The following POU6F2 variants were observed in gnomAD, a reference collection of about 807,000 sequenced individuals.
POU6F2 encodes the protein POU domain, class 6, transcription factor 2.
Under a neutral mutation model 71.3 loss-of-function variants are expected in POU6F2, and 31 were observed. That is an observed-to-expected ratio of 0.43 (90% CI 0.33 to 0.59). POU6F2 has a LOEUF of 0.59. POU6F2 is among the 20% of genes least tolerant of loss of function. POU6F2 has a pLI of 0.04. For synonymous variants in POU6F2, 347 were observed against 355.7 expected, an observed-to-expected ratio of 0.98 and a Z score of 0.27; for missense variants, 783 against 856.8, an observed-to-expected ratio of 0.91 and a Z score of 1.07.
At chr7:39,342,697 G>A (rs2115632182) in intron 5 of POU6F2, among the ~76,000 whole-genome samples, 1 of 152,194 alleles carries the variant, frequency 6.6e-6, no homozygotes, top group Non-Finnish European at 1.5e-5. Flanking sequence ...TAGGTTGTGT[G>A]TTATATTTGG....
rs189381442 is a variant in POU6F2, at chr7:39,321,841, G to C, written c.599-17801G>C. The stretch of plus-strand genomic sequence containing the variant: ...GGGAGAGGGAGAAAGAGAAGTAGGG[G>C]AGGAGGGAGCTATACTTTAAGAATA... On this transcript the variant is annotated intron_variant, in intron 4 of 9. Transcript: ENST00000518318. Among the ~76,000 whole-genome samples the C allele has an allele frequency of 1.1e-4, 17 of 152,022 alleles. No individual in the cohort carries two copies. The South Asian group carries it at 3.5e-3, about 32-fold the overall frequency.
At chr7:39,281,713 C>T (rs1784565617) in intron 4 of POU6F2, among the ~76,000 whole-genome samples, 1 of 152,194 alleles carries the variant, frequency 6.6e-6, no homozygotes, top group Non-Finnish European at 1.5e-5. Context: ...TTGATGGACA[C>T]TTAGGTTGAT....
chr7:39,064,850 A>G (rs62442186), intron 1 of POU6F2, among the ~76,000 whole-genome samples: 16,300 of 151,888 alleles, frequency 0.11, 948 homozygotes, highest in Middle Eastern at 0.16. Context: ...TTCCATTTCT[A>G]TTGATGGGAA....
At chr7:39,419,017 A>ATATATGTGTATATATGTG (rs1787765507) in intron 6 of POU6F2, among the ~76,000 whole-genome samples, 1 of 131,084 alleles carries the variant, frequency 7.6e-6, no homozygotes, top group South Asian at 2.3e-4. Flanking sequence ...GTATATATGT[A>ATATATGTGTATATATGTG]TATATATGTG....
intron 1 of POU6F2, among the ~76,000 whole-genome samples, chr7:39,032,896 A>G (rs1040435206): frequency 6.6e-6 from 1 of 152,158 alleles, no homozygotes; most frequent in Non-Finnish European, 1.5e-5. Flanking sequence ...TTCTGTCTAA[A>G]TTCTTTAGCG....
chr7:39,343,702 T>C (rs535695878), intron 5 of POU6F2, among the ~76,000 whole-genome samples: 35 of 152,312 alleles, frequency 2.3e-4, no homozygotes, highest in Admixed American at 2.1e-3. Context: ...CTTCTAGTTC[T>C]GACCCTGCCT....
intron 1 of POU6F2, among the ~76,000 whole-genome samples, chr7:39,045,358 T>G (rs1790270780): frequency 6.6e-6 from 1 of 151,826 alleles, no homozygotes; most frequent in Non-Finnish European, 1.5e-5. Context: ...TCCAGAGGTG[T>G]GAGGGGAGGG....
chr7:39,028,718 T>C (rs1486048800), intron 1 of POU6F2, among the ~76,000 whole-genome samples: 1 of 152,204 alleles, frequency 6.6e-6, no homozygotes, highest in Admixed American at 6.5e-5. Flanking sequence ...CTTTCCAAAA[T>C]AGTTTATACA....
intron 1 of POU6F2, among the ~76,000 whole-genome samples, chr7:38,993,488 G>A (rs1300011506): frequency 7.2e-6 from 1 of 139,516 alleles, no homozygotes; most frequent in East Asian, 1.9e-4. Flanking sequence ...GTCTGAGACT[G>A]AAATCGGGAT....
intron 4 of POU6F2, among the ~76,000 whole-genome samples, chr7:39,336,079 T>C (rs534904759): frequency 6.6e-6 from 1 of 152,382 alleles, no homozygotes; most frequent in East Asian, 1.9e-4. Context: ...TGGTCCCCAG[T>C]GTGTGAATAT....
At chr7:39,312,468 A>G (rs755593758) in intron 4 of POU6F2, among the ~76,000 whole-genome samples, 8 of 152,190 alleles carry the variant, frequency 5.3e-5, no homozygotes, top group South Asian at 4.1e-4. Context: ...AGTATTTTGC[A>G]CAAAGCCAAG....
At chr7:39,434,227 A>G (rs1788177792) in intron 7 of POU6F2, among the ~76,000 whole-genome samples, 3 of 152,166 alleles carry the variant, frequency 2.0e-5, no homozygotes, top group Non-Finnish European at 4.4e-5. Flanking sequence ...AGGCAGGGAA[A>G]TGGGAAAGAG....
At chr7:39,384,948 A>G (rs1243504165) in intron 5 of POU6F2, among the ~76,000 whole-genome samples, 1 of 152,316 alleles carries the variant, frequency 6.6e-6, no homozygotes, top group East Asian at 1.9e-4. Flanking sequence ...TGATCAAATA[A>G]TAATATCCAA....
chr7:39,117,783 C>T (rs1185205168), intron 2 of POU6F2, among the ~76,000 whole-genome samples: 2 of 152,152 alleles, frequency 1.3e-5, no homozygotes, highest in Non-Finnish European at 2.9e-5. Context: ...ATGAAGATCT[C>T]TCCTGCTTCT....
chr7:38,995,906 T>A (rs1262890985), intron 1 of POU6F2, among the ~76,000 whole-genome samples: 2 of 152,206 alleles, frequency 1.3e-5, no homozygotes, highest in African/African-American at 4.8e-5. Flanking sequence ...CTTGTATCTA[T>A]CCTCACATTC....
intron 6 of POU6F2, among the ~76,000 whole-genome samples, chr7:39,423,357 G>A (rs1787897407): frequency 6.6e-6 from 1 of 152,166 alleles, no homozygotes; most frequent in African/African-American, 2.4e-5. Flanking sequence ...AAAAGAGAGT[G>A]TTTACACAAA....
chr7:39,039,503 T>C (rs1489423090), intron 1 of POU6F2, among the ~76,000 whole-genome samples: 2 of 151,902 alleles, frequency 1.3e-5, no homozygotes, highest in Non-Finnish European at 2.9e-5. Flanking sequence ...ATTTTTTTCT[T>C]TACTCTCTCA....
intron 2 of POU6F2, among the ~76,000 whole-genome samples, chr7:39,179,671 A>G (rs1793401617): frequency 6.6e-6 from 1 of 152,236 alleles, no homozygotes; most frequent in Non-Finnish European, 1.5e-5. Flanking sequence ...GCCGGCTCAT[A>G]GACCATGCTT....
At chr7:39,108,363 T>G (rs1418506970) in intron 2 of POU6F2, among the ~76,000 whole-genome samples, 1 of 152,064 alleles carries the variant, frequency 6.6e-6, no homozygotes, top group African/African-American at 2.4e-5. Flanking sequence ...GAGATTTAAC[T>G]AGGTACCAGC....
Sources: gnomAD v4.1 joint callset for allele counts (sites outside exome capture counted in the v4.1 genomes callset) on GRCh38, gnomAD v4.1.1 for gene constraint, MANE v1.5 for transcripts, NCBI Gene and HGNC (gene_info 2026-07-23, HGNC 2026-07-21) for gene names.